Variants in NEK7 observed in about 807,000 individuals in gnomAD.
NEK7 encodes the protein NIMA related kinase 7, also known as serine/threonine-protein kinase Nek7.
In NEK7, 18 loss-of-function variants were observed where a neutral mutation model predicts 44.6. That is an observed-to-expected ratio of 0.40 (90% CI 0.28 to 0.60). NEK7 has a LOEUF of 0.60. NEK7 is among the 20% of genes least tolerant of loss of function. The pLI, the probability that NEK7 is intolerant of heterozygous loss-of-function variation, is 0.38. For synonymous variants in NEK7, 130 were observed against 121.1 expected, an observed-to-expected ratio of 1.07 and a Z score of -0.48; for missense variants, 256 against 366.5, an observed-to-expected ratio of 0.70 and a Z score of 2.46.
In NEK7 at chr1:198,319,900, A is replaced by G. The variant is rs575857852; in HGVS notation, c.*378A>G. On this transcript the variant is annotated 3_prime_UTR_variant, in exon 10 of 10. Transcript: ENST00000367385. ...CTCATACCTGAGAAAAAGTATCTGA[A>G]CATGTGACTTGTTTCTTTTTTAGTA... 3 of 156,644 alleles carry G rather than the reference A, an allele frequency of 1.9e-5. No individual in the cohort carries two copies. Among genetic ancestry groups the G allele is most frequent in the African/African-American group, 7.2e-5 (3 of 41,752 alleles). 9.7% of individuals were successfully genotyped at this position (156,644 alleles called of 1,614,324 possible). A position where few individuals can be genotyped will look rare whatever the true frequency, so the allele number is the denominator to read the frequency against.
At chr1:198,256,287 A>C (rs1382712326) in intron 3 of NEK7, 11 of 1,527,932 alleles carry the variant, frequency 7.2e-6, no homozygotes, top group Non-Finnish European at 9.6e-6. Flanking sequence ...ATTCAGGGCT[A>C]TTAACAAAGG....
intron 1 of NEK7, among the ~76,000 whole-genome samples, chr1:198,204,533 C>T (rs964649431): frequency 9.9e-5 from 15 of 151,950 alleles, no homozygotes; most frequent in African/African-American, 3.4e-4. Context: ...TCCTGGCTAA[C>T]ACGGTGAAAC....
At chr1:198,187,817 C>T (rs1448669076) in intron 1 of NEK7, among the ~76,000 whole-genome samples, 2 of 152,134 alleles carry the variant, frequency 1.3e-5, no homozygotes, top group Non-Finnish European at 2.9e-5. Flanking sequence ...CATCTCTGGT[C>T]CCTTTATCTT....
At chr1:198,229,225 T>C (rs567849854) in intron 1 of NEK7, among the ~76,000 whole-genome samples, 1 of 152,318 alleles carries the variant, frequency 6.6e-6, no homozygotes, top group South Asian at 2.1e-4. Flanking sequence ...AGGGTGCTTC[T>C]GGATAGCTGA....
chr1:198,254,191 A>G (rs1653174332), intron 3 of NEK7, among the ~76,000 whole-genome samples: 1 of 152,100 alleles, frequency 6.6e-6, no homozygotes, highest in Admixed American at 6.6e-5. Context: ...TATCTGGTAT[A>G]TGTGTTAGAT....
chr1:198,319,408 A>G lies in NEK7; in HGVS notation c.799-4A>G. ...CAGGTTTTATTGTTTTTCTTTCTTC[A>G]CAGCTCCGACAGTTAGTTAATATGT... On this transcript the variant is annotated splice_polypyrimidine_tract_variant and splice_region_variant and intron_variant, in intron 9 of 9. Coordinates refer to ENST00000367385, the MANE Select transcript of NEK7 (RefSeq NM_133494.3). The G allele has an allele frequency of 6.2e-7, 1 of 1,603,736 alleles. No individual in the cohort carries two copies. The highest frequency in any genetic ancestry group is 8.5e-7 in the Non-Finnish European group (1 of 1,174,572).
intron 1 of NEK7, among the ~76,000 whole-genome samples, chr1:198,231,301 GTATATATATATATATA>G (rs749263549): frequency 1.1e-5 from 1 of 86,978 alleles, no homozygotes; most frequent in Non-Finnish European, 2.1e-5. Context: ...ATGTGTGTGT[GTATATATATATATATA>G]TATATATATA....
At chr1:198,251,921 G>T (rs1353724672) in intron 2 of NEK7, among the ~76,000 whole-genome samples, 5 of 151,912 alleles carry the variant, frequency 3.3e-5, no homozygotes, top group Admixed American at 1.3e-4. Context: ...TGCTAGCTTT[G>T]GAATGTGTTT....
intron 1 of NEK7, among the ~76,000 whole-genome samples, chr1:198,159,671 T>G (rs1020672691): frequency 6.6e-6 from 1 of 152,232 alleles, no homozygotes; most frequent in African/African-American, 2.4e-5. Flanking sequence ...ATAATACATG[T>G]AGCACCCACC....
rs540991968 is a variant in NEK7 at position 198,304,065 on chromosome 1, G to C, written c.798+6825G>C. On this transcript the variant is annotated intron_variant, in intron 9 of 9. Coordinates refer to ENST00000367385, the MANE Select transcript of NEK7 (RefSeq NM_133494.3). ...TTTAAGCTTTGAATGTTCTATTTTT[G>C]TTTAAAAAATATAGTTAAGCAGTCC... is the stretch of plus-strand genomic sequence containing the variant. Among the ~76,000 whole-genome samples the C allele has an allele frequency of 3.9e-5, 6 of 152,124 alleles. No homozygotes were observed. The South Asian group carries it at 1.2e-3, about 31-fold the overall frequency.
At chr1:198,262,493 T>C in intron 3 of NEK7, 82 bp from the exon 4 acceptor site, 1 of 836,704 alleles carries the variant, frequency 1.2e-6, no homozygotes, top group Non-Finnish European at 1.9e-6. Flanking sequence ...AATAATTACA[T>C]GTAGAGTATT....
chr1:198,244,317 A>G (rs1367135263), intron 2 of NEK7, among the ~76,000 whole-genome samples: 1 of 152,132 alleles, frequency 6.6e-6, no homozygotes, highest in Non-Finnish European at 1.5e-5. Flanking sequence ...TATTGAGTTC[A>G]TGCTGTGACT....
At chr1:198,206,859 T>C (rs1665613600) in intron 1 of NEK7, 1 of 152,164 alleles carries the variant, frequency 6.6e-6, no homozygotes, top group Non-Finnish European at 1.5e-5. Context: ...AGGCATTTTA[T>C]AGAAATAAGA....
At chr1:198,245,476 A>G (rs921477463) in intron 2 of NEK7, 2 of 160,636 alleles carry the variant, frequency 1.2e-5, no homozygotes, top group Non-Finnish European at 2.9e-5. Flanking sequence ...AAGAGCTGAC[A>G]TGGAACTGAA....
In NEK7 at chr1:198,297,333, T is replaced by G. The variant is rs186933869; in HGVS notation, c.798+93T>G. The G allele has an allele frequency of 1.2e-4, 184 of 1,492,612 alleles. 1 individual carries two copies. The Middle Eastern group carries it at 3.6e-3, about 30-fold the overall frequency. The allele number at this position is 1,492,612 out of a possible 1,614,324, so 92.5% of individuals were successfully genotyped here. A position where few individuals can be genotyped will look rare whatever the true frequency, so the allele number is the denominator to read the frequency against. ...ATTTTACTTTATCCAAAAATGAAAA[T>G]GAATGGTATAGGTAGCAGAACTAGC... On this transcript the variant is annotated intron_variant, in intron 9 of 9. Coordinates refer to ENST00000367385, the MANE Select transcript of NEK7 (RefSeq NM_133494.3).
chr1:198,172,964 G>T (rs1290194799), intron 1 of NEK7, among the ~76,000 whole-genome samples: 1 of 152,196 alleles, frequency 6.6e-6, no homozygotes. Context: ...AATATCATGG[G>T]ATATGTAGCT....
Position 198,157,094 on chromosome 1 carries a change from AGGGT to A in NEK7, c.-205_-202del, listed in dbSNP as rs1276495503. 2 of 151,824 alleles carry A rather than the reference AGGGT, an allele frequency of 1.3e-5. No individual in the cohort carries two copies. The highest frequency in any genetic ancestry group is 4.8e-5 in the African/African-American group (2 of 41,370). 9.4% of individuals were successfully genotyped at this position (151,824 alleles called of 1,614,324 possible). On this transcript the variant is annotated 5_prime_UTR_variant, in exon 1 of 10. Transcript: ENST00000367385. ...ACTCCGGACGCGCCTCGCAGTGCGC[AGGGT>A]GGGTGCCCCGCGCCTGCAGCGTCCG...
At chr1:198,267,794 A>G (rs557366097) in intron 5 of NEK7, among the ~76,000 whole-genome samples, 1 of 151,536 alleles carries the variant, frequency 6.6e-6, no homozygotes, top group Admixed American at 6.6e-5. Flanking sequence ...CTTAAGTCCT[A>G]CCACCCTCAC....
At chr1:198,276,450 C>T (rs1654021442) in intron 5 of NEK7, among the ~76,000 whole-genome samples, 1 of 151,622 alleles carries the variant, frequency 6.6e-6, no homozygotes, top group South Asian at 2.1e-4. Flanking sequence ...TATTTGGACT[C>T]ATTCCAAGTC....
Sources: allele counts gnomAD v4.1 joint callset (sites outside exome capture counted in the v4.1 genomes callset), GRCh38; gene constraint gnomAD v4.1.1; transcripts MANE v1.5; gene names NCBI Gene and HGNC (gene_info 2026-07-23, HGNC 2026-07-21).